DRAXIN: variants seen among roughly 807,000 people sequenced by gnomAD.
The protein encoded by DRAXIN is dorsal inhibitory axon guidance protein.
A neutral mutation model predicts 33.9 loss-of-function variants in DRAXIN; 27 were observed. That is an observed-to-expected ratio of 0.80 (90% CI 0.59 to 1.10). The LOEUF is 1.10. DRAXIN is among the 50% of genes least tolerant of loss of function. DRAXIN has a pLI of 0.00. For synonymous variants in DRAXIN, 178 were observed against 194.0 expected, an observed-to-expected ratio of 0.92 and a Z score of 0.69; for missense variants, 371 against 460.8, an observed-to-expected ratio of 0.81 and a Z score of 1.78.
chr1:11,691,054 C>T (rs1641053119), upstream of DRAXIN, among the ~76,000 whole-genome samples: 3 of 152,156 alleles, frequency 2.0e-5, no homozygotes, highest in African/African-American at 4.8e-5. Flanking sequence ...CTTTGAAGAC[C>T]CTTTGTACCC....
intron 1 of DRAXIN, among the ~76,000 whole-genome samples, chr1:11,693,020 A>C (rs1248377836): frequency 6.6e-6 from 1 of 151,846 alleles, no homozygotes; most frequent in Non-Finnish European, 1.5e-5. Context: ...AATGGATCTC[A>C]AAGTCAAGGC....
chr1:11,712,527 T>A, intron 5 of DRAXIN, 98 bp downstream of exon 5: 8 of 1,197,700 alleles, frequency 6.7e-6, no homozygotes, highest in Non-Finnish European at 9.8e-6. Flanking sequence ...CTGAGAATCC[T>A]TGACCCTTCA....
Position 11,720,094 on chromosome 1 carries a change from T to A in DRAXIN, c.*398T>A, listed in dbSNP as rs1641639490. The A allele has an allele frequency of 4.4e-6, 1 of 225,470 alleles. No individual in the cohort carries two copies. The highest frequency in any genetic ancestry group is 2.2e-5 in the African/African-American group (1 of 45,304). 14.0% of individuals were successfully genotyped at this position (225,470 alleles called of 1,614,324 possible). ...CATCAGGAGATGAATATGGAACATC[T>A]CCTATGTACCAGGCACTGTGCTAAG... On this transcript the variant is annotated 3_prime_UTR_variant, in exon 7 of 7. Transcript: ENST00000294485.
chr1:11,687,091 G>A (rs1187363905), upstream of DRAXIN, among the ~76,000 whole-genome samples: 1 of 151,790 alleles, frequency 6.6e-6, no homozygotes, highest in Non-Finnish European at 1.5e-5. The surrounding 1 kb of genome is among the most constrained non-coding windows in gnomAD (Gnocchi z 4.1). Flanking sequence ...TTGGAGACAG[G>A]GTCTCACTCT....
In DRAXIN at chr1:11,705,286, C is replaced by T. The variant is rs530552990; in HGVS notation, c.-10-963C>T. Among the ~76,000 whole-genome samples, 62 of 152,074 alleles carry T rather than the reference C, an allele frequency of 4.1e-4. No homozygotes were observed. The highest frequency in any genetic ancestry group is 8.1e-4 in the Non-Finnish European group (55 of 67,998). On this transcript the variant is annotated intron_variant, in intron 1 of 6. Coordinates refer to ENST00000294485, the MANE Select transcript of DRAXIN (RefSeq NM_198545.4). The surrounding 1 kb of genome is among the most constrained non-coding windows in gnomAD (Gnocchi z 4.8). ...AGAGGGGTGCGTGGGGGAGCAGCTGCGGGTGGTGCACGGGGGCAGGAGGTC... is the reference window on the plus strand; with the variant it reads ...AGAGGGGTGCGTGGGGGAGCAGCTGTGGGTGGTGCACGGGGGCAGGAGGTC...
chr1:11,701,916 C>T (rs1030061458), intron 1 of DRAXIN, among the ~76,000 whole-genome samples: 9 of 152,196 alleles, frequency 5.9e-5, no homozygotes, highest in African/African-American at 2.2e-4. Context: ...GCTGGCATCT[C>T]AGTTGCTGGG....
chr1:11,710,347 TAGAC>T (rs1641464477), intron 3 of DRAXIN, among the ~76,000 whole-genome samples: 1 of 151,490 alleles, frequency 6.6e-6, no homozygotes. Context: ...TTTAAAAAAT[TAGAC>T]AGGCATGAGG....
At chr1:11,691,139 C>G (rs1641055423), upstream of DRAXIN, among the ~76,000 whole-genome samples, 1 of 152,222 alleles carries the variant, frequency 6.6e-6, no homozygotes, top group Admixed American at 6.5e-5. Context: ...AAAGGCCCCG[C>G]CGTTCCCCGT....
chr1:11,686,767 C>T (rs1640963002), upstream of DRAXIN, among the ~76,000 whole-genome samples: 1 of 142,178 alleles, frequency 7.0e-6, no homozygotes, highest in African/African-American at 2.6e-5. Context: ...CCATCCTGGG[C>T]CACAAGGTAA....
At position 11,696,306 on chromosome 1, in the gene DRAXIN, A is replaced by G. The variant is rs1202165684; in HGVS notation, c.-11+4453A>G. ...TTTACTTTATAAACATTTACTCCCC[A>G]GCCGGGTGCGGTGGCTCACGCCTGT... On this transcript the variant is annotated intron_variant, in intron 1 of 6. Transcript: ENST00000294485. This position sits in a 1 kb window ranked among gnomAD's most constrained non-coding sequence, Gnocchi z 4.7. Among the ~76,000 whole-genome samples the G allele has an allele frequency of 6.6e-6, 1 of 152,122 alleles. No individual in the cohort carries two copies. The highest frequency in any genetic ancestry group is 1.5e-5 in the Non-Finnish European group (1 of 68,010).
chr1:11,702,560 CCA>C (rs530726755), intron 1 of DRAXIN, among the ~76,000 whole-genome samples: 12 of 151,232 alleles, frequency 7.9e-5, no homozygotes, highest in Non-Finnish European at 1.6e-4. Flanking sequence ...GCTAACACTC[CCA>C]CACACTCACT....
At chr1:11,717,828 C>CAAAAA (rs70983586) in intron 6 of DRAXIN, among the ~76,000 whole-genome samples, 1 of 110,018 alleles carries the variant, frequency 9.1e-6, no homozygotes, top group Non-Finnish European at 1.7e-5. Flanking sequence ...ACCAAAAATA[C>CAAAAA]AAAAAAAAAA....
chr1:11,687,263 G>A (rs1233111046), upstream of DRAXIN, among the ~76,000 whole-genome samples: 4 of 151,836 alleles, frequency 2.6e-5, no homozygotes, highest in Non-Finnish European at 5.9e-5. The surrounding 1 kb of genome is among the most constrained non-coding windows in gnomAD (Gnocchi z 4.1). Flanking sequence ...TTTTTGAGAC[G>A]GAGTCTCTCT....
In DRAXIN at chr1:11,696,438, T is replaced by C. The variant is rs1641193286; in HGVS notation, c.-11+4585T>C. Among the ~76,000 whole-genome samples, 1 of 151,950 alleles carries C rather than the reference T, an allele frequency of 6.6e-6. No homozygotes were observed. On this transcript the variant is annotated intron_variant, in intron 1 of 6. Transcript: ENST00000294485. The surrounding 1 kb of genome is among the most constrained non-coding windows in gnomAD (Gnocchi z 4.7). ...CCGTCTCTACTAAAAATACAAAAATTAGCCGGGCATGGTGGTGGGAGCCTG... is the reference window on the plus strand; with the variant it reads ...CCGTCTCTACTAAAAATACAAAAATCAGCCGGGCATGGTGGTGGGAGCCTG...
upstream of DRAXIN, among the ~76,000 whole-genome samples, chr1:11,688,684 T>C (rs1641006293): frequency 6.6e-6 from 1 of 152,204 alleles, no homozygotes; most frequent in African/African-American, 2.4e-5. This position sits in a 1 kb window ranked among gnomAD's most constrained non-coding sequence, Gnocchi z 4.6. Flanking sequence ...AGGCTCACAT[T>C]GTTAGAGGTG....
At chr1:11,712,483 T>G in intron 5 of DRAXIN, 54 bp downstream of exon 5, 1 of 1,584,508 alleles carries the variant, frequency 6.3e-7, no homozygotes, top group South Asian at 1.1e-5. Context: ...GGAGGGAACC[T>G]GGGTGGGAGT....
At chr1:11,697,969 C>G (rs952346217) in intron 1 of DRAXIN, among the ~76,000 whole-genome samples, 3 of 152,104 alleles carry the variant, frequency 2.0e-5, no homozygotes, top group African/African-American at 7.2e-5. Context: ...CAGTGAACAC[C>G]CAGCAGGGCA....
Position 11,706,628 on chromosome 1 carries a change from AAC to A in DRAXIN, c.371_372del (p.Asn124ThrfsTer71), listed in dbSNP as rs1641386508. 6.2e-7 allele frequency: 1 copy of A among 1,600,650 alleles called. No homozygotes were observed. The highest frequency in any genetic ancestry group is 8.5e-7 in the Non-Finnish European group (1 of 1,179,540). On this transcript the variant is annotated frameshift_variant, in exon 2 of 7. Transcript: ENST00000294485. LOFTEE classifies it high-confidence loss of function. The surrounding 1 kb of genome is among the most constrained non-coding windows in gnomAD (Gnocchi z 5.5). ...GLALPYPEKE[N>X]RPPGWERTRK... The stretch of plus-strand genomic sequence containing the variant: ...GGCATTGCCCTACCCCGAGAAGGAG[AAC>A]CGACCTCCAGGTTGGGAGAGGACCA...
chr1:11,706,810 G>C lies in DRAXIN; in HGVS notation c.451+101G>C. 1 of 1,313,222 alleles carries C rather than the reference G, an allele frequency of 7.6e-7. No individual in the cohort carries two copies. Among genetic ancestry groups the C allele is most frequent in the East Asian group, 2.5e-5 (1 of 39,390 alleles). 81.3% of individuals were successfully genotyped at this position (1,313,222 alleles called of 1,614,324 possible). A position where few individuals can be genotyped will look rare whatever the true frequency, so the allele number is the denominator to read the frequency against. ...GCAAGGGTCAGGGGCATGAGGTCCA[G>C]AGGAGAGGAGGGGTCTCACTGAAGC... is the stretch of plus-strand genomic sequence containing the variant. On this transcript the variant is annotated intron_variant, in intron 2 of 6. Coordinates refer to ENST00000294485, the MANE Select transcript of DRAXIN (RefSeq NM_198545.4). This position sits in a 1 kb window ranked among gnomAD's most constrained non-coding sequence, Gnocchi z 5.5.
Sources: gnomAD v4.1 joint callset for allele counts (sites outside exome capture counted in the v4.1 genomes callset) on GRCh38, gnomAD v4.1.1 for gene constraint, Gnocchi (gnomAD v3.1) non-coding constraint, MANE v1.5 for transcripts, NCBI Gene and HGNC (gene_info 2026-07-23, HGNC 2026-07-21) for gene names.